GALK2: variants seen among roughly 807,000 people sequenced by gnomAD.
GALK2 encodes the protein galactokinase 2.
Under a neutral mutation model 52.4 loss-of-function variants are expected in GALK2, and 36 were observed. The ratio of observed to expected loss-of-function variants is 0.69; its 90% confidence interval spans 0.53 to 0.91. The LOEUF is 0.91. Among genes scored for constraint, GALK2 ranks in the 40% least tolerant of loss-of-function variants. The pLI is 0.00. For missense variants in GALK2, 579 were observed against 559.1 expected, an observed-to-expected ratio of 1.04 and a Z score of -0.36; for synonymous variants, 176 against 199.1, an observed-to-expected ratio of 0.88 and a Z score of 0.98.
intron 1 of GALK2, among the ~76,000 whole-genome samples, chr15:49,174,481 G>T (rs138155108): frequency 0.025 from 3,749 of 152,168 alleles, 120 homozygotes; most frequent in South Asian, 0.077. Context: ...AAGTAGCTGG[G>T]ACTACAGGTG....
intron 5 of GALK2, among the ~76,000 whole-genome samples, chr15:49,250,624 CA>C (rs2091552153): frequency 6.6e-6 from 1 of 152,078 alleles, no homozygotes; most frequent in Non-Finnish European, 1.5e-5. Flanking sequence ...TCTATTCAGC[CA>C]TGCTGCTACC....
intron 5 of GALK2, among the ~76,000 whole-genome samples, chr15:49,274,710 G>A (rs2031354224): frequency 6.6e-6 from 1 of 152,260 alleles, no homozygotes. Flanking sequence ...TGTACAAAGT[G>A]TTTCTTTATA....
chr15:49,208,396 A>T (rs1164420812), intron 2 of GALK2, among the ~76,000 whole-genome samples: 1 of 152,140 alleles, frequency 6.6e-6, no homozygotes, highest in East Asian at 1.9e-4. Context: ...TTCCATCTGG[A>T]TCTCATTTTT....
At chr15:49,207,966 T>G (rs1450777434) in intron 2 of GALK2, among the ~76,000 whole-genome samples, 1 of 152,086 alleles carries the variant, frequency 6.6e-6, no homozygotes, top group Non-Finnish European at 1.5e-5. Context: ...AGAGACGAGA[T>G]TTCACCATGT....
At chr15:49,181,049 T>C (rs62009780) in intron 1 of GALK2, among the ~76,000 whole-genome samples, 83 of 72,664 alleles carry the variant, frequency 1.1e-3, no homozygotes, top group South Asian at 3.0e-3. Flanking sequence ...CCTTCCTTCC[T>C]TCCCTCCCTC....
intron 1 of GALK2, among the ~76,000 whole-genome samples, chr15:49,197,117 T>C (rs956452956): frequency 1.1e-4 from 16 of 152,238 alleles, no homozygotes; most frequent in Admixed American, 2.6e-4. Flanking sequence ...AAAGGTATCC[T>C]TCTATGCACA....
intron 1 of GALK2, among the ~76,000 whole-genome samples, chr15:49,188,663 G>C (rs2086526398): frequency 6.6e-6 from 1 of 152,158 alleles, no homozygotes; most frequent in African/African-American, 2.4e-5. Context: ...GTTCAACTTG[G>C]TATTTCTGCA....
chr15:49,350,248 C>T (rs531596276), intron 3 of GALK2, among the ~76,000 whole-genome samples: 1 of 152,226 alleles, frequency 6.6e-6, no homozygotes, highest in East Asian at 1.9e-4. Flanking sequence ...TAAAATGTGG[C>T]GAGTGTATCA....
intron 1 of GALK2, chr15:49,177,611 C>T (rs565219903): frequency 1.7e-4 from 31 of 187,308 alleles, no homozygotes; most frequent in Middle Eastern, 1.7e-3. Flanking sequence ...TTAGTGGTAA[C>T]GGTGGAGTTG....
intron 3 of GALK2, among the ~76,000 whole-genome samples, chr15:49,219,268 T>A (rs2089618681): frequency 6.6e-6 from 1 of 152,120 alleles, no homozygotes; most frequent in African/African-American, 2.4e-5. Flanking sequence ...ATGCTGTTCT[T>A]GTGATAATGA....
chr15:49,230,511 T>A (rs556965745), intron 3 of GALK2, among the ~76,000 whole-genome samples: 2 of 152,324 alleles, frequency 1.3e-5, no homozygotes, highest in African/African-American at 4.8e-5. Context: ...CTCTCTTACA[T>A]GATCTATTCT....
At chr15:49,280,334 G>T (rs920984851) in intron 5 of GALK2, among the ~76,000 whole-genome samples, 2 of 152,206 alleles carry the variant, frequency 1.3e-5, no homozygotes, top group African/African-American at 4.8e-5. Context: ...CCACGGCAAG[G>T]TGCTGCTTGA....
At chr15:49,257,521 T>C (rs375072401) in intron 5 of GALK2, among the ~76,000 whole-genome samples, 50 of 152,336 alleles carry the variant, frequency 3.3e-4, no homozygotes, top group African/African-American at 1.2e-3. Context: ...TATTCTCCTT[T>C]AGTGTAAAGA....
At chr15:49,314,164 C>T (rs1468843126) in intron 8 of GALK2, among the ~76,000 whole-genome samples, 1 of 152,118 alleles carries the variant, frequency 6.6e-6, no homozygotes, top group Non-Finnish European at 1.5e-5. Context: ...ACTATGTAAC[C>T]ATCTTTTAAA....
chr15:49,241,826 C>A (rs1201549787), intron 5 of GALK2, among the ~76,000 whole-genome samples: 1 of 152,138 alleles, frequency 6.6e-6, no homozygotes, highest in African/African-American at 2.4e-5. Context: ...TAAAGAGAAA[C>A]ACTTGAACCC....
intron 5 of GALK2, among the ~76,000 whole-genome samples, chr15:49,258,794 ATG>A (rs35306007): frequency 0.2 from 20,711 of 102,024 alleles, 2,504 homozygotes; most frequent in Non-Finnish European, 0.27. Flanking sequence ...ATATATATAT[ATG>A]TGTGTGTGTG....
intron 1 of GALK2, among the ~76,000 whole-genome samples, chr15:49,161,285 T>C (rs1305544448): frequency 6.6e-6 from 1 of 152,208 alleles, no homozygotes; most frequent in African/African-American, 2.4e-5. Flanking sequence ...TCTGGAAATT[T>C]ACTAACAGCA....
chr15:49,254,055 A>G (rs1168182964), intron 5 of GALK2, among the ~76,000 whole-genome samples: 5 of 144,310 alleles, frequency 3.5e-5, no homozygotes. Context: ...TAACCTTAAA[A>G]CTTTTCTCCC....
Position 49,328,293 on chromosome 15 carries a change from C to A in GALK2, c.*134C>A. The A allele has an allele frequency of 7.0e-7, 1 of 1,438,248 alleles. No individual in the cohort carries two copies. Among genetic ancestry groups the A allele is most frequent in the Non-Finnish European group, 9.1e-7 (1 of 1,098,748 alleles). 89.1% of individuals were successfully genotyped at this position (1,438,248 alleles called of 1,614,324 possible). A position where few individuals can be genotyped will look rare whatever the true frequency, so the allele number is the denominator to read the frequency against. The stretch of plus-strand genomic sequence containing the variant: ...TTGCTATTATATCAAGATATATTTT[C>A]AAAGAAATGGTTGAAAGCTCTCTAT... On this transcript the variant is annotated 3_prime_UTR_variant, in exon 10 of 10. Coordinates refer to ENST00000560031, the MANE Select transcript of GALK2 (RefSeq NM_002044.4).
Sources: allele counts gnomAD v4.1 joint callset (sites outside exome capture counted in the v4.1 genomes callset), GRCh38; gene constraint gnomAD v4.1.1; transcripts MANE v1.5; gene names NCBI Gene and HGNC (gene_info 2026-07-23, HGNC 2026-07-21).